The following TENM2 variants were observed in gnomAD, a reference collection of about 807,000 sequenced individuals.
TENM2 encodes teneurin-2.
In TENM2, 52 loss-of-function variants were observed where a neutral mutation model predicts 245.2. That is an observed-to-expected ratio of 0.21 (90% CI 0.17 to 0.27). The LOEUF (loss-of-function observed/expected upper bound fraction) is 0.27, where lower values mean the gene tolerates loss of function less well. TENM2 is among the 10% of genes least tolerant of loss of function. The probability of loss-of-function intolerance (pLI) is 1.00; values close to 1 mark genes in which losing one functional copy is unlikely to be tolerated. For missense variants in TENM2, 3,046 were observed against 3,666.8 expected (o/e 0.83, Z 4.37); for synonymous variants, 1,363 against 1,438.9 (o/e 0.95, Z 1.19).
chr5:167,330,033 G>A (rs780313361), intron 1 of TENM2, among the ~76,000 whole-genome samples: 6 of 152,094 alleles, frequency 3.9e-5, no homozygotes, highest in Non-Finnish European at 7.4e-5. Context: ...CAAGTTCACT[G>A]GATTTTTAGA....
At chr5:167,630,758 T>C (rs969520155) in intron 2 of TENM2, among the ~76,000 whole-genome samples, 2 of 152,194 alleles carry the variant, frequency 1.3e-5, no homozygotes, top group African/African-American at 2.4e-5. Flanking sequence ...GAATATAACA[T>C]CTAAGAGTGT....
At chr5:167,668,444 C>G (rs1755714494) in intron 2 of TENM2, among the ~76,000 whole-genome samples, 1 of 152,114 alleles carries the variant, frequency 6.6e-6, no homozygotes, top group South Asian at 2.1e-4. Context: ...ATGTTAAATG[C>G]TATTACTCCT....
At chr5:167,066,517 G>T in the TENM2 span, among the ~76,000 whole-genome samples, 1 of 151,596 alleles carries the variant, frequency 6.6e-6, no homozygotes, top group Admixed American at 6.6e-5. Flanking sequence ...ACCTCCTAAT[G>T]CTATCCTTCC....
chr5:168,240,003 A>T (rs1765940049), intron 25 of TENM2, among the ~76,000 whole-genome samples: 1 of 152,178 alleles, frequency 6.6e-6, no homozygotes. Flanking sequence ...AGATCACTTG[A>T]GGTCAGGAGT....
the TENM2 span, among the ~76,000 whole-genome samples, chr5:167,257,760 T>C: frequency 6.6e-6 from 1 of 152,032 alleles, no homozygotes; most frequent in Non-Finnish European, 1.5e-5. Flanking sequence ...GATGTAAATG[T>C]CAGAAGTAAA....
chr5:167,767,489 C>T (rs1215326255), intron 2 of TENM2, among the ~76,000 whole-genome samples: 3 of 151,988 alleles, frequency 2.0e-5, no homozygotes, highest in African/African-American at 7.2e-5. Flanking sequence ...TGATGGCTGC[C>T]CAACAGTGTG....
intron 2 of TENM2, among the ~76,000 whole-genome samples, chr5:167,491,784 C>T (rs149425557): frequency 4.6e-5 from 7 of 152,232 alleles, no homozygotes; most frequent in African/African-American, 1.4e-4. Context: ...ACATTCATCC[C>T]TTTACTCCCT....
intron 2 of TENM2, among the ~76,000 whole-genome samples, chr5:167,774,318 TA>T (rs1763613447): frequency 6.6e-6 from 1 of 152,112 alleles, no homozygotes. Flanking sequence ...CTTCTTGAGA[TA>T]AAATATGATG....
At chr5:167,882,349 C>T (rs1476470744) in intron 3 of TENM2, among the ~76,000 whole-genome samples, 1 of 152,168 alleles carries the variant, frequency 6.6e-6, no homozygotes, top group Non-Finnish European at 1.5e-5. Flanking sequence ...GAAGCATGTG[C>T]TCTGACAAGT....
At chr5:167,605,795 G>T (rs763329959) in intron 2 of TENM2, among the ~76,000 whole-genome samples, 1 of 152,164 alleles carries the variant, frequency 6.6e-6, no homozygotes, top group Non-Finnish European at 1.5e-5. Flanking sequence ...GCACTAGAGA[G>T]TCCTCATCAT....
At chr5:168,095,576 T>C (rs1008720043) in intron 8 of TENM2, among the ~76,000 whole-genome samples, 1 of 152,176 alleles carries the variant, frequency 6.6e-6, no homozygotes, top group African/African-American at 2.4e-5. Flanking sequence ...CTTATTTAAT[T>C]TGTTTGTTTT....
chr5:167,999,570 T>C (rs1396141910), intron 5 of TENM2, among the ~76,000 whole-genome samples: 1 of 152,192 alleles, frequency 6.6e-6, no homozygotes, highest in Non-Finnish European at 1.5e-5. Context: ...CTAGCGGCCA[T>C]GTGGCAATAT....
chr5:168,216,728 C>G, intron 21 of TENM2, 40 bp from the exon 24 acceptor site: 5 of 1,611,510 alleles, frequency 3.1e-6, no homozygotes, highest in Non-Finnish European at 3.4e-6. Flanking sequence ...CAATCCTACA[C>G]CTTTCCAAGA....
chr5:167,053,103 TCTC>T, the TENM2 span, among the ~76,000 whole-genome samples: 1 of 152,152 alleles, frequency 6.6e-6, no homozygotes, highest in Non-Finnish European at 1.5e-5. Flanking sequence ...GAATTCTCCT[TCTC>T]CTCCCATTTC....
At chr5:167,658,121 T>G (rs938985783) in intron 2 of TENM2, among the ~76,000 whole-genome samples, 1 of 152,100 alleles carries the variant, frequency 6.6e-6, no homozygotes, top group African/African-American at 2.4e-5. Context: ...ATGTTCAATA[T>G]CAAAGCAACA....
At chr5:168,017,887 C>G (rs1785798588) in intron 5 of TENM2, among the ~76,000 whole-genome samples, 1 of 152,112 alleles carries the variant, frequency 6.6e-6, no homozygotes, top group Non-Finnish European at 1.5e-5. Flanking sequence ...TCTTCAGGCC[C>G]CCCTTCTCCC....
At chr5:167,557,813 C>T (rs1189324366) in intron 2 of TENM2, among the ~76,000 whole-genome samples, 1 of 152,084 alleles carries the variant, frequency 6.6e-6, no homozygotes, top group Non-Finnish European at 1.5e-5. Context: ...CTGTCACCCA[C>T]AAGAGAGAAT....
At chr5:167,153,720 A>C in the TENM2 span, among the ~76,000 whole-genome samples, 1 of 151,678 alleles carries the variant, frequency 6.6e-6, no homozygotes, top group Admixed American at 6.6e-5. Flanking sequence ...ATTTGGCTTT[A>C]AGAAATAAGA....
At chr5:168,203,024 G>A (rs1025047394) in intron 17 of TENM2, among the ~76,000 whole-genome samples, 4 of 152,212 alleles carry the variant, frequency 2.6e-5, no homozygotes, top group Non-Finnish European at 4.4e-5. Flanking sequence ...TAGGACTAAT[G>A]TCCTTCATTT....
Sources: gnomAD v4.1 joint callset for allele counts (sites outside exome capture counted in the v4.1 genomes callset) on GRCh38, gnomAD v4.1.1 for gene constraint, MANE v1.5 for transcripts, NCBI Gene and HGNC (gene_info 2026-07-23, HGNC 2026-07-21) for gene names.